Variants in RELN observed in about 807,000 individuals in gnomAD.
RELN encodes the protein reelin.
RELN carries 108 observed loss-of-function variants against 427.6 expected under a neutral mutation model. The ratio of observed to expected loss-of-function variants is 0.25; its 90% CI spans 0.22 to 0.30. RELN has a LOEUF of 0.30. Among genes scored for constraint, RELN ranks in the 10% least tolerant of loss-of-function variants. RELN has a pLI of 1.00. For synonymous variants in RELN, 1,524 were observed against 1,513.4 expected (o/e 1.01, Z -0.16); for missense variants, 3,715 against 4,302.8 (o/e 0.86, Z 3.82).
chr7:103,672,811 T>C (rs1833423390), intron 11 of RELN, among the ~76,000 whole-genome samples: 1 of 152,194 alleles, frequency 6.6e-6, no homozygotes, highest in Non-Finnish European at 1.5e-5. Context: ...TGATTATGTT[T>C]TGAATAACAA....
At chr7:103,668,040 G>T (rs1213443398) in intron 11 of RELN, among the ~76,000 whole-genome samples, 1 of 152,142 alleles carries the variant, frequency 6.6e-6, no homozygotes, top group African/African-American at 2.4e-5. Flanking sequence ...GTTCAGCCTG[G>T]CCAACATGGT....
At chr7:103,572,365 AC>A in intron 30 of RELN, 105 bp from the exon 31 acceptor site, 1 of 702,146 alleles carries the variant, frequency 1.4e-6, no homozygotes, top group Non-Finnish European at 2.6e-6. Flanking sequence ...TTTATTAAGT[AC>A]TACTTTCAAA....
chr7:103,919,646 G>A (rs1309966002), intron 1 of RELN, among the ~76,000 whole-genome samples: 1 of 152,020 alleles, frequency 6.6e-6, no homozygotes, highest in Non-Finnish European at 1.5e-5. Context: ...CTCCACACGC[G>A]CACCAGCTCT....
At chr7:103,525,207 A>G (rs1457683569) in intron 46 of RELN, among the ~76,000 whole-genome samples, 1 of 152,126 alleles carries the variant, frequency 6.6e-6, no homozygotes, top group Non-Finnish European at 1.5e-5. Context: ...GTCCTCACAG[A>G]GAAATTTTCT....
Position 103,835,992 on chromosome 7 carries a change from G to A in RELN, c.338-2320C>T, listed in dbSNP as rs114355156. Among the ~76,000 whole-genome samples, 1,078 of 142,238 alleles carry A rather than the reference G, an allele frequency of 7.6e-3. 19 individuals carry two copies. The highest frequency in any genetic ancestry group is 0.027 in the African/African-American group (1,027 of 37,654). 93.3% of individuals were successfully genotyped at this position (142,238 alleles called of 152,430 possible). Reference sequence around the variant, plus strand: ...TTTTTTATAGGCGGAGTCTCACTCCGTCACCCAGGCTAGAGCGCAATGGTG... The same window carrying A: ...TTTTTTATAGGCGGAGTCTCACTCCATCACCCAGGCTAGAGCGCAATGGTG... On this transcript the variant is annotated intron_variant, in intron 2 of 64. Coordinates refer to ENST00000428762, the MANE Select transcript of RELN (RefSeq NM_005045.4).
intron 1 of RELN, among the ~76,000 whole-genome samples, chr7:103,964,642 T>G (rs1449090231): frequency 6.6e-6 from 1 of 152,256 alleles, no homozygotes; most frequent in African/African-American, 2.4e-5. Context: ...CTTCCCCCTT[T>G]TTATGATCCA....
chr7:103,549,961 A>G (rs1362448355), intron 41 of RELN, among the ~76,000 whole-genome samples: 3 of 152,140 alleles, frequency 2.0e-5, no homozygotes, highest in South Asian at 2.1e-4. Context: ...ATCTATTCCT[A>G]TGATCTCCAG....
At chr7:103,836,662 C>T (rs963539130) in intron 2 of RELN, among the ~76,000 whole-genome samples, 1 of 152,076 alleles carries the variant, frequency 6.6e-6, no homozygotes, top group Non-Finnish European at 1.5e-5. Context: ...ACCTAAAATG[C>T]TCTCTCTCCT....
intron 8 of RELN, among the ~76,000 whole-genome samples, chr7:103,712,674 C>T (rs990056510): frequency 6.6e-6 from 1 of 152,118 alleles, no homozygotes; most frequent in Non-Finnish European, 1.5e-5. Context: ...GTCTTGCTGC[C>T]AAATGAATTC....
At chr7:103,874,531 A>G (rs1271808928) in intron 2 of RELN, among the ~76,000 whole-genome samples, 5 of 145,994 alleles carry the variant, frequency 3.4e-5, no homozygotes, top group Non-Finnish European at 6.1e-5. Flanking sequence ...AAATCAATGT[A>G]CAAAAATCAC....
chr7:103,560,207 T>C (rs977477656), intron 36 of RELN, among the ~76,000 whole-genome samples: 3 of 152,202 alleles, frequency 2.0e-5, no homozygotes, highest in African/African-American at 7.2e-5. Context: ...ATGTGAGAAA[T>C]TCTTTTGCAA....
At chr7:103,985,209 G>A (rs866410258) in intron 1 of RELN, among the ~76,000 whole-genome samples, 36 of 151,960 alleles carry the variant, frequency 2.4e-4, no homozygotes, top group Admixed American at 4.6e-4. Flanking sequence ...TAGTGATGCC[G>A]GACTTACAAA....
intron 46 of RELN, among the ~76,000 whole-genome samples, chr7:103,532,176 C>T (rs945132267): frequency 4.6e-5 from 7 of 152,168 alleles, no homozygotes; most frequent in Admixed American, 1.3e-4. Flanking sequence ...TTATCCTCAG[C>T]AAACTAATGC....
At chr7:103,762,627 A>G (rs567783093) in intron 4 of RELN, among the ~76,000 whole-genome samples, 67 of 152,356 alleles carry the variant, frequency 4.4e-4, no homozygotes, top group Middle Eastern at 3.4e-3. Context: ...CAAAAATGCT[A>G]GCTGAATGGA....
intron 55 of RELN, 98 bp downstream of exon 55, chr7:103,497,722 A>T: frequency 1.0e-6 from 1 of 969,742 alleles, no homozygotes; most frequent in Non-Finnish European, 1.7e-6. Flanking sequence ...CACAATTCAA[A>T]CTGTGAAGTC....
chr7:103,918,360 A>C (rs1181435846), intron 1 of RELN, among the ~76,000 whole-genome samples: 1 of 152,200 alleles, frequency 6.6e-6, no homozygotes, highest in Non-Finnish European at 1.5e-5. Flanking sequence ...TTGTCAAAAC[A>C]TACCTATAAG....
At chr7:103,797,031 C>T (rs1427082818) in intron 3 of RELN, among the ~76,000 whole-genome samples, 1 of 151,966 alleles carries the variant, frequency 6.6e-6, no homozygotes, top group Admixed American at 6.6e-5. Context: ...TAATTGATCT[C>T]TCCGTAAGTT....
At chr7:103,496,458 T>A in intron 56 of RELN, 68 bp downstream of exon 56, 1 of 1,601,128 alleles carries the variant, frequency 6.2e-7, no homozygotes, top group Non-Finnish European at 8.6e-7. Flanking sequence ...CATGTGCTAA[T>A]CTATCTGAAG....
chr7:103,565,336 T>C lies in RELN; in HGVS notation c.5152A>G (p.Thr1718Ala), dbSNP rs984830707. ...TTCCAATTCTGGAATCTTTCCGAGG[T>C]GTAAATTGAACTTTCCGTGTAATGC... ...CLHYTESSIYTSERFQNWKRI... is the reference protein window; with the variant it reads ...CLHYTESSIYASERFQNWKRI... Residue 1718 changes from threonine to alanine, a missense_variant, in exon 34 of 65, where the codon ACC becomes GCC. Thr to Ala is a moderately conservative substitution (Grantham distance 58, BLOSUM62 0). Transcript: ENST00000428762. The C allele has an allele frequency of 1.9e-6, 3 of 1,614,092 alleles. No individual in the cohort carries two copies. The highest frequency in any genetic ancestry group is 1.1e-5 in the South Asian group (1 of 91,080).
Sources: gnomAD v4.1 joint callset for allele counts (sites outside exome capture counted in the v4.1 genomes callset) on GRCh38, gnomAD v4.1.1 for gene constraint, MANE v1.5 for transcripts, NCBI Gene and HGNC (gene_info 2026-07-23, HGNC 2026-07-21) for gene names.